Variants in KCND2 observed in about 807,000 individuals in gnomAD.
The protein encoded by KCND2 is potassium voltage-gated channel subfamily D member 2, also known as A-type voltage-gated potassium channel KCND2.
KCND2 carries 16 observed loss-of-function variants against 54.4 expected under a neutral mutation model. The ratio of observed to expected loss-of-function variants is 0.29; its 90% CI spans 0.20 to 0.45. The LOEUF (loss-of-function observed/expected upper bound fraction) is 0.45, where lower values mean the gene tolerates loss of function less well. KCND2 is among the 20% of genes least tolerant of loss of function. The pLI is 1.00. For synonymous variants in KCND2, 317 were observed against 310.7 expected, an observed-to-expected ratio of 1.02 and a Z score of -0.21; for missense variants, 486 against 824.2, an observed-to-expected ratio of 0.59 and a Z score of 5.02.
intron 1 of KCND2, among the ~76,000 whole-genome samples, chr7:120,556,806 C>T (rs1002949874): frequency 2.0e-5 from 3 of 152,214 alleles, no homozygotes; most frequent in Admixed American, 1.3e-4. Flanking sequence ...CTTTAAGAGA[C>T]ATGAAATATA....
intron 1 of KCND2, among the ~76,000 whole-genome samples, chr7:120,730,156 T>C (rs1022237188): frequency 6.6e-6 from 1 of 152,194 alleles, no homozygotes; most frequent in African/African-American, 2.4e-5. Flanking sequence ...ACTCAGTCCT[T>C]GTATTCTTTA....
chr7:120,298,186 C>G (rs775460225), intron 1 of KCND2, among the ~76,000 whole-genome samples: 25 of 152,244 alleles, frequency 1.6e-4, no homozygotes, highest in African/African-American at 5.3e-4. Flanking sequence ...GAGATATTAA[C>G]TTACACAGAC....
intron 1 of KCND2, among the ~76,000 whole-genome samples, chr7:120,537,675 G>C (rs60553829): frequency 1.3e-5 from 2 of 152,152 alleles, no homozygotes; most frequent in Non-Finnish European, 2.9e-5. Flanking sequence ...ATCTATATTA[G>C]CACTTACTGC....
chr7:120,724,703 A>T (rs1161177955), intron 1 of KCND2, among the ~76,000 whole-genome samples: 1 of 152,184 alleles, frequency 6.6e-6, no homozygotes, highest in Non-Finnish European at 1.5e-5. Context: ...GCTCCAGGCA[A>T]CAAAGACTAG....
intron 1 of KCND2, among the ~76,000 whole-genome samples, chr7:120,425,575 A>G (rs1302923674): frequency 6.6e-5 from 10 of 152,176 alleles, no homozygotes; most frequent in Admixed American, 2.6e-4. Context: ...CTATTTTACT[A>G]TAGACATTTT....
intron 1 of KCND2, among the ~76,000 whole-genome samples, chr7:120,721,989 C>G (rs928891622): frequency 1.3e-5 from 2 of 152,186 alleles, no homozygotes; most frequent in Non-Finnish European, 2.9e-5. Context: ...TCTCCCTTTG[C>G]CAGCTGCCAT....
At chr7:120,466,568 T>G (rs1254674452) in intron 1 of KCND2, among the ~76,000 whole-genome samples, 1 of 152,092 alleles carries the variant, frequency 6.6e-6, no homozygotes, top group Non-Finnish European at 1.5e-5. Context: ...CAATGCTTCC[T>G]TTACTCTCTC....
chr7:120,636,547 T>A (rs1358018596), intron 1 of KCND2, among the ~76,000 whole-genome samples: 1 of 152,098 alleles, frequency 6.6e-6, no homozygotes, highest in African/African-American at 2.4e-5. Flanking sequence ...TGGTTAAAAT[T>A]TGTGATTAAC....
chr7:120,544,815 G>A (rs1368802550), intron 1 of KCND2, among the ~76,000 whole-genome samples: 1 of 151,882 alleles, frequency 6.6e-6, no homozygotes, highest in Non-Finnish European at 1.5e-5. Context: ...ATTCATTAAT[G>A]TGGGAGTTCA....
chr7:120,532,866 TATAAG>T (rs1333530461), intron 1 of KCND2, among the ~76,000 whole-genome samples: 5 of 152,002 alleles, frequency 3.3e-5, no homozygotes, highest in African/African-American at 7.2e-5. Flanking sequence ...AAAATGAAGA[TATAAG>T]ATAAGCCGCT....
intron 1 of KCND2, among the ~76,000 whole-genome samples, chr7:120,541,127 C>T (rs550601735): frequency 2.0e-4 from 30 of 152,236 alleles, no homozygotes; most frequent in Non-Finnish European, 3.2e-4. Flanking sequence ...AATACACAGT[C>T]ATAAAATAGT....
At chr7:120,321,891 C>T (rs544796122) in intron 1 of KCND2, among the ~76,000 whole-genome samples, 15 of 151,938 alleles carry the variant, frequency 9.9e-5, no homozygotes, top group Non-Finnish European at 1.9e-4. Context: ...GTATAACATT[C>T]GGAAGATGCT....
At chr7:120,551,378 T>C (rs186922839) in intron 1 of KCND2, among the ~76,000 whole-genome samples, 5 of 152,326 alleles carry the variant, frequency 3.3e-5, no homozygotes, top group East Asian at 3.9e-4. Context: ...TGTTCAGTCA[T>C]TGGTAAATAG....
At chr7:120,682,661 A>T (rs1792154058) in intron 1 of KCND2, among the ~76,000 whole-genome samples, 1 of 152,134 alleles carries the variant, frequency 6.6e-6, no homozygotes, top group Non-Finnish European at 1.5e-5. Context: ...ATACTTCAGA[A>T]ATGAAGCAAT....
At chr7:120,469,414 C>T (rs773621629) in intron 1 of KCND2, among the ~76,000 whole-genome samples, 13 of 152,050 alleles carry the variant, frequency 8.5e-5, no homozygotes, top group East Asian at 1.9e-4. Context: ...AGTAGATGCA[C>T]GGATTTTTAG....
intron 5 of KCND2, among the ~76,000 whole-genome samples, chr7:120,746,363 G>T (rs1267466935): frequency 1.3e-5 from 2 of 152,102 alleles, no homozygotes; most frequent in Non-Finnish European, 2.9e-5. Flanking sequence ...AGTCTGAAAT[G>T]ATGGTGGACA....
chr7:120,417,519 T>C (rs1184203208), intron 1 of KCND2, among the ~76,000 whole-genome samples: 3 of 152,182 alleles, frequency 2.0e-5, no homozygotes, highest in African/African-American at 4.8e-5. Context: ...TTTTAAAAAT[T>C]AGCAGTTTTC....
At chr7:120,651,030 G>A (rs1210913908) in intron 1 of KCND2, among the ~76,000 whole-genome samples, 1 of 143,292 alleles carries the variant, frequency 7.0e-6, no homozygotes, top group East Asian at 1.9e-4. Context: ...CCCCTACTTG[G>A]GGGGTGCCTC....
At chr7:120,418,566 G>A (rs1801560585) in intron 1 of KCND2, among the ~76,000 whole-genome samples, 2 of 152,130 alleles carry the variant, frequency 1.3e-5, no homozygotes, top group Admixed American at 6.5e-5. Context: ...TCATTACTCA[G>A]ATGACCCCAA....
Sources: allele counts gnomAD v4.1 joint callset (sites outside exome capture counted in the v4.1 genomes callset), GRCh38; gene constraint gnomAD v4.1.1; transcripts MANE v1.5; gene names NCBI Gene and HGNC (gene_info 2026-07-23, HGNC 2026-07-21).